Variants in CLEC12A observed in about 807,000 individuals in gnomAD.
CLEC12A encodes C-type lectin domain family 12 member A.
In CLEC12A, 22 loss-of-function variants were observed where a neutral mutation model predicts 26.5. The ratio of observed to expected loss-of-function variants is 0.83; its 90% CI spans 0.59 to 1.19. CLEC12A has a LOEUF of 1.19. CLEC12A is among the 50% of genes most tolerant of loss of function. The pLI is 0.00. For synonymous variants in CLEC12A, 119 were observed against 101.9 expected (o/e 1.17, Z -1.01); for missense variants, 353 against 315.6 (o/e 1.12, Z -0.90).
chr12:9,953,337 T>C (rs867886553), intron 1 of CLEC12A: 5 of 12,036 alleles, frequency 4.2e-4, no homozygotes, highest in African/African-American at 1.3e-3. Flanking sequence ...CCCAGCCAGC[T>C]GCCCCGTCCG....
At chr12:9,971,914 T>C (rs1270335580) in intron 1 of CLEC12A, among the ~76,000 whole-genome samples, 1 of 152,162 alleles carries the variant, frequency 6.6e-6, no homozygotes, top group Non-Finnish European at 1.5e-5. Flanking sequence ...ATTTTTGAAA[T>C]TTTTTATTAT....
At chr12:9,973,873 A>G (rs1168853729) in intron 1 of CLEC12A, among the ~76,000 whole-genome samples, 4 of 152,042 alleles carry the variant, frequency 2.6e-5, no homozygotes, top group Non-Finnish European at 5.9e-5. Context: ...GTGCACCAAC[A>G]TACTCTACTA....
chr12:9,981,784 T>C lies in CLEC12A; in HGVS notation c.532-236T>C, dbSNP rs961851071. 5.3e-5 allele frequency among the ~76,000 whole-genome samples: 8 copies of C among 152,102 alleles called. No homozygotes were observed. In the East Asian group the frequency reaches 1.2e-3, roughly 22 times the overall value. ...ACTCTTCACTGACTGTAAATTAAGG[T>C]TGTACATGGATTAGTAGGGCCTCTC... On this transcript the variant is annotated intron_variant, in intron 4 of 5. Transcript: ENST00000304361.
chr12:9,966,413 C>CT (rs1313326176), upstream of CLEC12A, among the ~76,000 whole-genome samples: 3 of 13,530 alleles, frequency 2.2e-4, no homozygotes, highest in Non-Finnish European at 4.3e-4. Flanking sequence ...GGAGTGGCTG[C>CT]CGGTGAGATG....
At chr12:9,953,603 G>T (rs1398621487) in intron 1 of CLEC12A, among the ~76,000 whole-genome samples, 2 of 150,640 alleles carry the variant, frequency 1.3e-5, no homozygotes, top group South Asian at 2.1e-4. Context: ...TCAGCCCCCT[G>T]CCCGGCCAGC....
chr12:9,972,788 A>AT (rs780362411), intron 1 of CLEC12A, among the ~76,000 whole-genome samples: 1 of 151,562 alleles, frequency 6.6e-6, no homozygotes. Flanking sequence ...TAATACTGAA[A>AT]TTTTTTTTTA....
At chr12:9,964,321 G>A (rs901780854) in intron 1 of CLEC12A, among the ~76,000 whole-genome samples, 9 of 151,934 alleles carry the variant, frequency 5.9e-5, no homozygotes, top group Non-Finnish European at 8.8e-5. Context: ...CATGTAAGGT[G>A]GGGACAGCTG....
downstream of CLEC12A, among the ~76,000 whole-genome samples, chr12:9,987,232 T>C (rs748498818): frequency 6.6e-6 from 1 of 152,200 alleles, no homozygotes; most frequent in Non-Finnish European, 1.5e-5. Flanking sequence ...TACTTATCAG[T>C]ATTTTCTCCT....
At chr12:9,999,655 C>T (rs1351430276), downstream of CLEC12A, among the ~76,000 whole-genome samples, 2 of 152,150 alleles carry the variant, frequency 1.3e-5, no homozygotes, top group African/African-American at 4.8e-5. Flanking sequence ...ATTTACACAA[C>T]TTCTTGCATA....
At chr12:9,981,817 G>A (rs986221352) in intron 4 of CLEC12A, among the ~76,000 whole-genome samples, 1 of 152,090 alleles carries the variant, frequency 6.6e-6, no homozygotes, top group Non-Finnish European at 1.5e-5. Context: ...CTCTTCTTGT[G>A]AGACCAGCAA....
chr12:9,957,465 GT>G (rs1863760682), intron 1 of CLEC12A, among the ~76,000 whole-genome samples: 1 of 148,344 alleles, frequency 6.7e-6, no homozygotes, highest in Admixed American at 6.7e-5. Context: ...TCCAGCCTGG[GT>G]GATGACAGAG....
exon 5 of CLEC12A, chr12:9,995,376 A>T: frequency 1.3e-6 from 1 of 782,190 alleles, no homozygotes. Flanking sequence ...TTAATGGATT[A>T]CATTTGATGT....
chr12:9,952,328 G>A (rs1240764876), intron 1 of CLEC12A, among the ~76,000 whole-genome samples: 1 of 150,852 alleles, frequency 6.6e-6, no homozygotes, highest in Non-Finnish European at 1.5e-5. Flanking sequence ...TGCGATTGCA[G>A]GCACGCACCA....
exon 5 of CLEC12A, chr12:9,995,170 CA>C: frequency 6.2e-7 from 1 of 1,613,080 alleles, no homozygotes; most frequent in African/African-American, 1.3e-5. Context: ...GCCATCCTCC[CA>C]CTTCCAGACC....
At chr12:9,998,528 G>A, downstream of CLEC12A, 2 of 521,860 alleles carry the variant, frequency 3.8e-6, no homozygotes, top group Non-Finnish European at 3.6e-6. Flanking sequence ...TTCTCCTCAT[G>A]ATCATCAACA....
exon 5 of CLEC12A, chr12:9,995,167 T>A (rs1865008495): frequency 6.2e-7 from 1 of 1,613,060 alleles, no homozygotes; most frequent in Non-Finnish European, 8.5e-7. Flanking sequence ...CGAGCCATCC[T>A]CCCACTTCCA....
chr12:9,960,417 T>TAA (rs1460000088), intron 1 of CLEC12A, among the ~76,000 whole-genome samples: 1 of 152,232 alleles, frequency 6.6e-6, no homozygotes, highest in Non-Finnish European at 1.5e-5. Flanking sequence ...TCTGGTATTT[T>TAA]AAAATTGGTT....
the CLEC12A span, among the ~76,000 whole-genome samples, chr12:10,002,633 G>A: frequency 1.3e-5 from 2 of 151,584 alleles, no homozygotes; most frequent in African/African-American, 2.4e-5. Context: ...TAATAGAGAC[G>A]GGGTTTCACC....
At chr12:9,972,986 C>T (rs1404080964) in intron 1 of CLEC12A, among the ~76,000 whole-genome samples, 2 of 152,302 alleles carry the variant, frequency 1.3e-5, no homozygotes, top group African/African-American at 2.4e-5. Context: ...GTTCCCACCA[C>T]AAGAATTCCC....
Sources: allele counts gnomAD v4.1 joint callset (sites outside exome capture counted in the v4.1 genomes callset), GRCh38; gene constraint gnomAD v4.1.1; transcripts MANE v1.5; gene names NCBI Gene and HGNC (gene_info 2026-07-23, HGNC 2026-07-21).